The following IQCM variants were observed in gnomAD, a reference collection of about 807,000 sequenced individuals.
The protein encoded by IQCM is IQ motif containing M.
IQCM carries 45 observed loss-of-function variants against 57.6 expected under a neutral mutation model. The observed-to-expected ratio is 0.78, with a 90% CI of 0.62 to 1.00. The LOEUF (loss-of-function observed/expected upper bound fraction) is 1.00. Among genes scored for constraint, IQCM ranks in the 50% least tolerant of loss-of-function variants. The pLI, the probability that IQCM is intolerant of heterozygous loss-of-function variation, is 0.00. For missense variants in IQCM, 468 were observed against 511.6 expected (o/e 0.91, Z 0.82); for synonymous variants, 148 against 158.9 (o/e 0.93, Z 0.51).
intron 2 of IQCM, among the ~76,000 whole-genome samples, chr4:149,793,179 T>C (rs916111357): frequency 6.6e-6 from 1 of 152,200 alleles, no homozygotes; most frequent in Non-Finnish European, 1.5e-5. Context: ...ACCTTCTGCC[T>C]GAGGAAAACT....
chr4:149,577,872 A>G (rs1751813855), intron 9 of IQCM, among the ~76,000 whole-genome samples: 1 of 151,412 alleles, frequency 6.6e-6, no homozygotes, highest in South Asian at 2.1e-4. Flanking sequence ...ATGTTTTTTC[A>G]TTTGTTTGGG....
chr4:149,602,756 C>A (rs1754428963), intron 8 of IQCM, among the ~76,000 whole-genome samples: 2 of 151,854 alleles, frequency 1.3e-5, no homozygotes, highest in African/African-American at 4.8e-5. Context: ...CTTACTATAA[C>A]CCACTAATAC....
At chr4:149,355,175 A>G (rs11932390) in intron 13 of IQCM, among the ~76,000 whole-genome samples, 30,389 of 152,166 alleles carry the variant, frequency 0.2, 3,143 homozygotes, top group South Asian at 0.33. Flanking sequence ...GAATAATTTC[A>G]CTTAGGAAGA....
intron 13 of IQCM, among the ~76,000 whole-genome samples, chr4:149,399,755 C>T (rs966657663): frequency 2.6e-5 from 4 of 152,016 alleles, no homozygotes; most frequent in Non-Finnish European, 5.9e-5. Flanking sequence ...TCTCAGTTTC[C>T]TCATTTGTAA....
intron 12 of IQCM, among the ~76,000 whole-genome samples, chr4:149,452,052 G>A (rs1268850037): frequency 6.6e-6 from 1 of 151,538 alleles, no homozygotes; most frequent in African/African-American, 2.4e-5. Context: ...AAAATCAATT[G>A]TTTTTATATA....
chr4:149,563,781 T>A lies in IQCM; in HGVS notation c.859A>T (p.Thr287Ser). 8.1e-7 allele frequency: 1 copy of A among 1,232,030 alleles called. No individual in the cohort carries two copies. The highest frequency in any genetic ancestry group is 1.0e-6 in the Non-Finnish European group (1 of 987,916). 76.3% of individuals were successfully genotyped at this position (1,232,030 alleles called of 1,614,324 possible). ...GTGACCATTCTAATCAATTTTGGGG[T>A]AATCATGAATTTTTTTCTTTCTCGG... Reference protein sequence around the residue: ...VFRERKKFMITPKLIRMVTVM... With the variant: ...VFRERKKFMISPKLIRMVTVM... Residue 287 changes from threonine to serine, a missense_variant, in exon 10 of 14, where the codon ACC becomes TCC. Thr to Ser is a moderately conservative substitution (Grantham distance 58). Transcript: ENST00000636793.
rs1750046999 is a variant in IQCM, at chr4:149,560,776, CTTCTAGCAGACA to C, written c.948+2904_948+2915del. Among the ~76,000 whole-genome samples the C allele has an allele frequency of 5.3e-5, 8 of 152,236 alleles. No homozygotes were observed. The South Asian group carries it at 1.7e-3, about 32-fold the overall frequency. On this transcript the variant is annotated intron_variant, in intron 10 of 13. Transcript: ENST00000636793. ...GTACAGTCTCTTGAGTAATCTTAAA[CTTCTAGCAGACA>C]TTCTAGCAGACACTGTCCACAGCAA...
intron 2 of IQCM, among the ~76,000 whole-genome samples, chr4:149,802,416 G>C (rs1428262219): frequency 6.6e-6 from 1 of 151,862 alleles, no homozygotes; most frequent in African/African-American, 2.4e-5. Flanking sequence ...AAATTCCACA[G>C]GCTAGACACC....
intron 12 of IQCM, among the ~76,000 whole-genome samples, chr4:149,453,395 A>G (rs908704064): frequency 6.6e-6 from 1 of 151,802 alleles, no homozygotes; most frequent in Non-Finnish European, 1.5e-5. Context: ...AAGAAACAAA[A>G]AACAGGCTTC....
At chr4:149,749,700 T>C (rs536893068) in intron 2 of IQCM, among the ~76,000 whole-genome samples, 1 of 152,336 alleles carries the variant, frequency 6.6e-6, no homozygotes, top group South Asian at 2.1e-4. Context: ...ATAAATCAGT[T>C]ACAATTTACT....
intron 12 of IQCM, among the ~76,000 whole-genome samples, chr4:149,481,701 G>GTTTTTTTTTTTTTTTGTTTGTTTTTTT (rs1740837055): frequency 7.8e-5 from 4 of 51,548 alleles, no homozygotes; most frequent in African/African-American, 3.0e-4. Context: ...TTCCAGTTTT[G>GTTTTTTTTTTTTTTTGTTTGTTTTTTT]TTTTTTTTTT....
chr4:149,805,313 A>G (rs1773972293), intron 2 of IQCM, among the ~76,000 whole-genome samples: 4 of 152,024 alleles, frequency 2.6e-5, no homozygotes, highest in Admixed American at 2.6e-4. Context: ...TTTATTGGGA[A>G]ATTAGCTCAA....
intron 12 of IQCM, among the ~76,000 whole-genome samples, chr4:149,458,669 A>G (rs182271514): frequency 5.3e-5 from 8 of 152,218 alleles, no homozygotes; most frequent in African/African-American, 1.4e-4. Context: ...TATTTTACCC[A>G]ATGTTCTTAT....
chr4:149,523,683 G>A (rs1745882175), intron 12 of IQCM, among the ~76,000 whole-genome samples: 2 of 152,044 alleles, frequency 1.3e-5, no homozygotes, highest in South Asian at 4.1e-4. Context: ...TGGATGGGTG[G>A]ATAGCTGGAT....
chr4:149,691,681 G>A (rs571790110), intron 5 of IQCM: 1 of 152,098 alleles, frequency 6.6e-6, no homozygotes, highest in Admixed American at 6.6e-5. Flanking sequence ...AAGGCAGGAG[G>A]TTTTCAAGTC....
chr4:149,507,424 G>A (rs549938814), intron 12 of IQCM, among the ~76,000 whole-genome samples: 6 of 152,298 alleles, frequency 3.9e-5, no homozygotes, highest in Non-Finnish European at 7.3e-5. Flanking sequence ...TGCTGACAGC[G>A]ATATGGAAAA....
At chr4:149,421,543 A>T (rs1734121302) in intron 13 of IQCM, among the ~76,000 whole-genome samples, 1 of 152,066 alleles carries the variant, frequency 6.6e-6, no homozygotes, top group Admixed American at 6.6e-5. Flanking sequence ...AGTGTTTTAT[A>T]CACACAGCTG....
intron 13 of IQCM, among the ~76,000 whole-genome samples, chr4:149,356,726 G>A (rs561350608): frequency 2.0e-4 from 30 of 151,336 alleles, no homozygotes; most frequent in Admixed American, 5.9e-4. Context: ...TTGGTAATGC[G>A]GGCTCTTTTT....
intron 2 of IQCM, among the ~76,000 whole-genome samples, chr4:149,800,617 T>A (rs1773516788): frequency 6.6e-6 from 1 of 151,952 alleles, no homozygotes; most frequent in Non-Finnish European, 1.5e-5. Context: ...ACTGAAAAAC[T>A]ATTCGAACTG....
Sources: gnomAD v4.1 joint callset for allele counts (sites outside exome capture counted in the v4.1 genomes callset) on GRCh38, gnomAD v4.1.1 for gene constraint, MANE v1.5 for transcripts, NCBI Gene and HGNC (gene_info 2026-07-23, HGNC 2026-07-21) for gene names.